Variants in MAF observed in about 807,000 individuals in gnomAD.
MAF encodes the protein MAF bZIP transcription factor.
Under a neutral mutation model 22.0 loss-of-function variants are expected in MAF, and 10 were observed. The observed-to-expected ratio is 0.45, with a 90% CI of 0.28 to 0.77. The LOEUF is 0.77. Ranked by LOEUF, MAF falls within the 30% of genes least tolerant of loss-of-function variation. MAF has a pLI of 0.12. For synonymous variants in MAF, 337 were observed against 255.8 expected, an observed-to-expected ratio of 1.32 and a Z score of -3.03; for missense variants, 544 against 548.4, an observed-to-expected ratio of 0.99 and a Z score of 0.08.
the MAF span, among the ~76,000 whole-genome samples, chr16:79,538,846 GAAAGAAAAGA>G: frequency 1.8e-4 from 24 of 134,116 alleles, no homozygotes; most frequent in African/African-American, 6.1e-4. Context: ...AGGAAAGAAA[GAAAGAAAAGA>G]AAAGAAAAGA....
At chr16:79,406,287 G>A in the MAF span, among the ~76,000 whole-genome samples, 2 of 152,204 alleles carry the variant, frequency 1.3e-5, no homozygotes, top group Admixed American at 1.3e-4. Context: ...GAGTGGTCTG[G>A]CACGTCCCCA....
chr16:79,246,665 T>A, the MAF span, among the ~76,000 whole-genome samples: 2 of 152,166 alleles, frequency 1.3e-5, no homozygotes, highest in African/African-American at 4.8e-5. Context: ...AATGTGTTAA[T>A]TTTTAAGTGG....
chr16:79,566,278 G>A, the MAF span, among the ~76,000 whole-genome samples: 1 of 152,110 alleles, frequency 6.6e-6, no homozygotes, highest in African/African-American at 2.4e-5. Flanking sequence ...CATCTTTGTG[G>A]CACTTTTAGA....
the MAF span, among the ~76,000 whole-genome samples, chr16:79,386,894 G>A: frequency 6.6e-6 from 1 of 152,170 alleles, no homozygotes; most frequent in African/African-American, 2.4e-5. Context: ...TTGTATTGAA[G>A]AGGAAACTGA....
At chr16:79,426,820 C>T in the MAF span, among the ~76,000 whole-genome samples, 13 of 152,182 alleles carry the variant, frequency 8.5e-5, no homozygotes, top group Admixed American at 2.0e-4. Flanking sequence ...GGAAGGCTGG[C>T]GTGAGCCCGG....
chr16:79,284,514 C>A, the MAF span, among the ~76,000 whole-genome samples: 1 of 152,162 alleles, frequency 6.6e-6, no homozygotes, highest in South Asian at 2.1e-4. Flanking sequence ...AAAAGGGCAC[C>A]AGGAAAGAGA....
the MAF span, among the ~76,000 whole-genome samples, chr16:79,452,783 G>A: frequency 4.8e-4 from 73 of 152,190 alleles, no homozygotes; most frequent in African/African-American, 1.6e-3. Flanking sequence ...AACCCTCCCT[G>A]CTCACACCTC....
At chr16:79,205,876 T>C in the MAF span, 60,488 of 151,956 alleles carry the variant, frequency 0.4, 14,319 homozygotes, top group Non-Finnish European at 0.55. Context: ...CGCACCTACA[T>C]GCGTGGGAAC....
chr16:79,393,250 G>C, the MAF span, among the ~76,000 whole-genome samples: 1 of 151,688 alleles, frequency 6.6e-6, no homozygotes, highest in South Asian at 2.1e-4. Flanking sequence ...TTCCTGGGCT[G>C]TACCTACAGA....
the MAF span, among the ~76,000 whole-genome samples, chr16:79,385,270 T>G: frequency 6.6e-6 from 1 of 152,220 alleles, no homozygotes; most frequent in African/African-American, 2.4e-5. Context: ...TATGTATGAA[T>G]CAATTTAACT....
At chr16:79,529,343 T>G in the MAF span, among the ~76,000 whole-genome samples, 3 of 152,192 alleles carry the variant, frequency 2.0e-5, no homozygotes, top group Non-Finnish European at 2.9e-5. Context: ...ATGTAGCTAT[T>G]CAGAGTTTCA....
chr16:79,515,593 G>A, the MAF span, among the ~76,000 whole-genome samples: 1 of 152,186 alleles, frequency 6.6e-6, no homozygotes, highest in African/African-American at 2.4e-5. Flanking sequence ...TTTGACTGAT[G>A]ACATTTTCAG....
chr16:79,589,346 T>C (rs1231042227), downstream of MAF, among the ~76,000 whole-genome samples: 1 of 152,190 alleles, frequency 6.6e-6, no homozygotes. Context: ...TGACTGACTT[T>C]GTTTTATAAT....
the MAF span, among the ~76,000 whole-genome samples, chr16:79,401,628 T>A: frequency 1.3e-5 from 2 of 152,138 alleles, no homozygotes. Flanking sequence ...GATGCCAGGG[T>A]ACCACTCTCA....
At chr16:79,207,085 GAGACAGGGAA>G in the MAF span, among the ~76,000 whole-genome samples, 23 of 152,306 alleles carry the variant, frequency 1.5e-4, no homozygotes, top group Non-Finnish European at 1.5e-4. Flanking sequence ...GTGTTACTGG[GAGACAGGGAA>G]AGACAGGGCG....
At chr16:79,273,219 C>G in the MAF span, among the ~76,000 whole-genome samples, 937 of 152,254 alleles carry the variant, frequency 6.2e-3, 10 homozygotes, top group African/African-American at 0.022. Flanking sequence ...TGGCCCCAAC[C>G]CCGGCTGAGA....
intron 1 of MAF, among the ~76,000 whole-genome samples, chr16:79,586,948 A>C (rs1055676272): frequency 6.6e-6 from 1 of 152,190 alleles, no homozygotes; most frequent in African/African-American, 2.4e-5. Flanking sequence ...AATCCCCCAC[A>C]CTTTTATTTG....
the MAF span, among the ~76,000 whole-genome samples, chr16:79,509,789 A>T: frequency 6.6e-6 from 1 of 152,194 alleles, no homozygotes; most frequent in African/African-American, 2.4e-5. Flanking sequence ...CAAAAGCACC[A>T]AACTTATTTT....
chr16:79,360,295 C>G, the MAF span, among the ~76,000 whole-genome samples: 1 of 152,202 alleles, frequency 6.6e-6, no homozygotes, highest in East Asian at 1.9e-4. Flanking sequence ...CCTGGGGAAT[C>G]TCACCTGGCC....
Sources: gnomAD v4.1 joint callset for allele counts (sites outside exome capture counted in the v4.1 genomes callset) on GRCh38, gnomAD v4.1.1 for gene constraint, MANE v1.5 for transcripts, NCBI Gene and HGNC (gene_info 2026-07-23, HGNC 2026-07-21) for gene names.